The following ERBIN variants were observed in gnomAD, a reference collection of about 807,000 sequenced individuals.
The protein encoded by ERBIN is erbb2 interacting protein.
Under a neutral mutation model 158.4 loss-of-function variants are expected in ERBIN, and 60 were observed. That is an observed-to-expected ratio of 0.38 (90% CI 0.31 to 0.47). The LOEUF (loss-of-function observed/expected upper bound fraction) is 0.47, where lower values mean the gene tolerates loss of function less well. Among genes scored for constraint, ERBIN ranks in the 20% least tolerant of loss-of-function variants. The probability of loss-of-function intolerance (pLI) is 0.99; values close to 1 mark genes in which losing one functional copy is unlikely to be tolerated. For missense variants in ERBIN, 1,610 were observed against 1,648.0 expected (o/e 0.98, Z 0.40); for synonymous variants, 594 against 557.2 (o/e 1.07, Z -0.93).
intron 21 of ERBIN, among the ~76,000 whole-genome samples, chr5:66,066,295 C>A (rs1043849042): frequency 9.2e-5 from 14 of 152,162 alleles, no homozygotes; most frequent in Admixed American, 8.5e-4. Context: ...GATGGAGGAT[C>A]TCTATTCACT....
At chr5:66,013,682 T>C (rs759963175) in intron 6 of ERBIN, 44 bp downstream of exon 6, 12 of 1,296,932 alleles carry the variant, frequency 9.3e-6, no homozygotes, top group East Asian at 2.3e-5. Context: ...TTAGCTCTTA[T>C]AAAGTTTACA....
Position 66,082,540 on chromosome 5 carries a change from A to G in ERBIN, c.*4010A>G, listed in dbSNP as rs1387393486. The G allele has an allele frequency of 3.3e-5, 5 of 152,234 alleles. No homozygotes were observed. Among genetic ancestry groups the G allele is most frequent in the South Asian group, 2.1e-4 (1 of 4,836 alleles). The allele number at this position is 152,234 out of a possible 1,614,324, so 9.4% of individuals were successfully genotyped here. On this transcript the variant is annotated 3_prime_UTR_variant, in exon 26 of 26. Transcript: ENST00000284037. ...AGGGATTCAATAAAGCTTATTTTTC[A>G]TGAAAACAAGCCTATAAATACTGAC...
chr5:66,059,019 G>T (rs1443482069), intron 21 of ERBIN, among the ~76,000 whole-genome samples: 1 of 152,136 alleles, frequency 6.6e-6, no homozygotes, highest in Non-Finnish European at 1.5e-5. Context: ...TGGCAATGCA[G>T]GCTCTTTTTT....
intron 2 of ERBIN, among the ~76,000 whole-genome samples, chr5:65,992,102 G>A (rs932974952): frequency 3.9e-5 from 6 of 152,062 alleles, no homozygotes; most frequent in Non-Finnish European, 8.8e-5. Context: ...AAAAATCTTC[G>A]TCTTATTAGA....
intron 1 of ERBIN, among the ~76,000 whole-genome samples, chr5:65,980,639 A>G (rs1750550449): frequency 6.6e-6 from 1 of 152,128 alleles, no homozygotes; most frequent in African/African-American, 2.4e-5. Flanking sequence ...GAAAATATAT[A>G]CCATATTAAC....
chr5:66,033,465 A>G (rs2151176747), intron 14 of ERBIN, among the ~76,000 whole-genome samples: 2 of 152,246 alleles, frequency 1.3e-5, no homozygotes, highest in South Asian at 4.1e-4. Context: ...GACTCAAGTT[A>G]AGAGTGAAGA....
chr5:65,938,726 T>C (rs755350343), intron 1 of ERBIN, among the ~76,000 whole-genome samples: 16 of 152,142 alleles, frequency 1.1e-4, no homozygotes, highest in Admixed American at 7.2e-4. Context: ...CTAATTTTTG[T>C]ATTTTTAGTA....
At chr5:65,953,468 A>G (rs1393194863) in intron 1 of ERBIN, among the ~76,000 whole-genome samples, 1 of 152,180 alleles carries the variant, frequency 6.6e-6, no homozygotes, top group African/African-American at 2.4e-5. Flanking sequence ...CCCTAACTCA[A>G]GGAATCCAGG....
intron 5 of ERBIN, among the ~76,000 whole-genome samples, chr5:66,012,699 A>G (rs74708431): frequency 0.011 from 1,695 of 152,312 alleles, 27 homozygotes; most frequent in African/African-American, 0.038. Context: ...GATGACTAGA[A>G]AGAAGCATAG....
chr5:65,974,523 C>A (rs1309282357), intron 1 of ERBIN, among the ~76,000 whole-genome samples: 1 of 152,066 alleles, frequency 6.6e-6, no homozygotes, highest in Admixed American at 6.5e-5. Context: ...TAGATTGATA[C>A]CCTGTTATCT....
At position 66,054,175 on chromosome 5, in the gene ERBIN, G is replaced by A. The variant is rs776163114; in HGVS notation, c.2857G>A (p.Glu953Lys). Reference sequence around the variant, plus strand: ...CAAGTTTGATTCAAATCATAATCCCGAAGAGCCAAATATAATAAGAGGCCC... The same window carrying A: ...CAAGTTTGATTCAAATCATAATCCCAAAGAGCCAAATATAATAAGAGGCCC... ...IFKFDSNHNP[E>K]EPNIIRGPTS... The change falls in exon 21 of 26, where the codon GAA becomes AAA. Residue 953 changes from glutamate (E) to lysine (K), a missense_variant. Around this residue, in one of 2 missense-constraint regions of ERBIN, gnomAD observed 1,014 missense variants for 936.1 expected, o/e 1.08. Coordinates refer to ENST00000284037, the MANE Select transcript of ERBIN (RefSeq NM_001253697.2). 2.2e-5 allele frequency: 35 copies of A among 1,613,924 alleles called. No homozygotes were observed. Among genetic ancestry groups the A allele is most frequent in the East Asian group, 8.9e-5 (4 of 44,886 alleles).
chr5:65,977,186 G>T (rs1750008167), intron 1 of ERBIN, among the ~76,000 whole-genome samples: 1 of 148,350 alleles, frequency 6.7e-6, no homozygotes, highest in South Asian at 2.1e-4. Flanking sequence ...CGGCTGGCCG[G>T]GCGGGGGGCT....
intron 14 of ERBIN, among the ~76,000 whole-genome samples, chr5:66,032,225 A>T (rs1403996429): frequency 1.3e-5 from 2 of 152,168 alleles, no homozygotes; most frequent in African/African-American, 2.4e-5. Flanking sequence ...CATGCAGAGG[A>T]ACCTGTATTA....
intron 1 of ERBIN, among the ~76,000 whole-genome samples, chr5:65,936,274 G>T (rs911195697): frequency 1.3e-5 from 2 of 152,082 alleles, no homozygotes; most frequent in African/African-American, 4.8e-5. Context: ...AAGTTGGTTT[G>T]ACTTTCCTCT....
At chr5:65,952,249 T>C (rs1746595595) in intron 1 of ERBIN, among the ~76,000 whole-genome samples, 1 of 152,182 alleles carries the variant, frequency 6.6e-6, no homozygotes, top group African/African-American at 2.4e-5. Context: ...TGAAGCAGTA[T>C]ATTCTATTAA....
Position 66,025,564 on chromosome 5 carries a change from G to A in ERBIN, c.890+12G>A. ...GACTCTATAGGAGGGTAAGTTTTTT[G>A]TGAATGTATACACCCTCGAAGATTT... is the stretch of plus-strand genomic sequence containing the variant. On this transcript the variant is annotated intron_variant, in intron 11 of 25. Coordinates refer to ENST00000284037, the MANE Select transcript of ERBIN (RefSeq NM_001253697.2). 1 of 1,590,888 alleles carries A rather than the reference G, an allele frequency of 6.3e-7. No individual in the cohort carries two copies. Among genetic ancestry groups the A allele is most frequent in the Non-Finnish European group, 8.6e-7 (1 of 1,159,638 alleles).
intron 1 of ERBIN, among the ~76,000 whole-genome samples, chr5:65,944,450 A>G (rs142883046): frequency 0.04 from 6,074 of 152,002 alleles, 413 homozygotes; most frequent in African/African-American, 0.14. Context: ...CACCCAGGCC[A>G]GAGTGCAGTG....
At chr5:66,025,426 G>T (rs1448330290) in intron 10 of ERBIN, 54 bp from the exon 11 acceptor site, 1 of 1,313,774 alleles carries the variant, frequency 7.6e-7, no homozygotes, top group Non-Finnish European at 1.1e-6. Flanking sequence ...GACTGTTGGT[G>T]GACTTGCTTC....
At chr5:66,063,952 A>G (rs906264824) in intron 21 of ERBIN, among the ~76,000 whole-genome samples, 3 of 152,208 alleles carry the variant, frequency 2.0e-5, no homozygotes, top group East Asian at 3.9e-4. Flanking sequence ...TTCATTATTA[A>G]TCATCTCTTC....
Sources: gnomAD v4.1 joint callset for allele counts (sites outside exome capture counted in the v4.1 genomes callset) on GRCh38, gnomAD v4.1.1 for gene constraint, gnomAD v4.1.1 regional missense constraint, MANE v1.5 for transcripts, NCBI Gene and HGNC (gene_info 2026-07-23, HGNC 2026-07-21) for gene names.